The following CDC45 variants were observed in gnomAD, a reference collection of about 807,000 sequenced individuals.
CDC45 encodes cell division control protein 45 homolog.
Under a neutral mutation model 77.8 loss-of-function variants are expected in CDC45, and 54 were observed. The ratio of observed to expected loss-of-function variants is 0.69; its 90% confidence interval spans 0.56 to 0.87. The LOEUF is 0.87. Ranked by LOEUF, CDC45 falls within the 40% of genes least tolerant of loss-of-function variation. The probability of loss-of-function intolerance (pLI) is 0.00; values close to 1 mark genes in which losing one functional copy is unlikely to be tolerated. For synonymous variants in CDC45, 260 were observed against 272.1 expected (o/e 0.96, Z 0.44); for missense variants, 649 against 721.6 (o/e 0.90, Z 1.15).
At chr22:19,502,253 T>C (rs1349417341) in intron 9 of CDC45, among the ~76,000 whole-genome samples, 2 of 152,216 alleles carry the variant, frequency 1.3e-5, no homozygotes, top group Non-Finnish European at 1.5e-5. Context: ...GAGACAAATA[T>C]AAAATCGTTC....
At chr22:19,481,317 G>C (rs1271323539) in intron 3 of CDC45, among the ~76,000 whole-genome samples, 1 of 152,044 alleles carries the variant, frequency 6.6e-6, no homozygotes, top group Non-Finnish European at 1.5e-5. Flanking sequence ...AAGGTGCTTG[G>C]AATCTAGCAG....
At chr22:19,509,045 C>A (rs1338721328) in intron 13 of CDC45, among the ~76,000 whole-genome samples, 1 of 151,894 alleles carries the variant, frequency 6.6e-6, no homozygotes, top group Non-Finnish European at 1.5e-5. Flanking sequence ...TTTTCCAATT[C>A]TTTCTTATCT....
rs1223567538 is a variant in CDC45, at chr22:19,518,759, G to C, written c.1637-85G>C. The C allele has an allele frequency of 5.7e-6, 6 of 1,057,648 alleles. No homozygotes were observed. The East Asian group carries it at 9.4e-5, about 17-fold the overall frequency. The allele number at this position is 1,057,648 out of a possible 1,614,324, so 65.5% of individuals were successfully genotyped here. A position where few individuals can be genotyped will look rare whatever the true frequency, so the allele number is the denominator to read the frequency against. On this transcript the variant is annotated intron_variant, in intron 17 of 18. Transcript: ENST00000263201. ...GCCGCGCACTTTGGAATGCAGTGGA[G>C]GGCAGGCAGCGGAGGGGAGTTCTGT...
chr22:19,482,947 C>A, intron 4 of CDC45, 120 bp downstream of exon 4: 26 of 764,356 alleles, frequency 3.4e-5, no homozygotes, highest in Non-Finnish European at 4.5e-5. Flanking sequence ...ACAGCCTGAA[C>A]ACAAGAACTT....
rs964787698 is a variant in CDC45, at chr22:19,506,686, G to C, written c.825-700G>C. On this transcript the variant is annotated intron_variant, in intron 10 of 18. Coordinates refer to ENST00000263201, the MANE Select transcript of CDC45 (RefSeq NM_003504.5). ...GCTGTGGCTCACGCCTGTAATCCCA[G>C]CACTCTGGGAGGCCAAGGCAAGTGG... Among the ~76,000 whole-genome samples, 4 of 152,218 alleles carry C rather than the reference G, an allele frequency of 2.6e-5. No homozygotes were observed. The East Asian group carries it at 7.7e-4, about 29-fold the overall frequency.
Position 19,504,769 on chromosome 22 carries a change from A to G in CDC45, c.705-593A>G, listed in dbSNP as rs13447247. Among the ~76,000 whole-genome samples the G allele has an allele frequency of 5.1e-3, 775 of 152,280 alleles. 4 individuals are homozygous for G. Among genetic ancestry groups the G allele is most frequent in the African/African-American group, 0.016 (680 of 41,554 alleles). Reference sequence around the variant, plus strand: ...TCAGTCAGTAGCTCCATCAGTATACAGGACCCAAAGGAATATCTCAAAGGG... The same window carrying G: ...TCAGTCAGTAGCTCCATCAGTATACGGGACCCAAAGGAATATCTCAAAGGG... On this transcript the variant is annotated intron_variant, in intron 9 of 18. Transcript: ENST00000263201.
intron 16 of CDC45, 40 bp downstream of exon 16, chr22:19,516,685 G>A (rs1429731884): frequency 1.3e-6 from 2 of 1,571,608 alleles, no homozygotes; most frequent in East Asian, 2.2e-5. Context: ...GAGGGTCGGG[G>A]GTGTTGGGGT....
upstream of CDC45, chr22:19,479,889 C>A: frequency 7.1e-7 from 1 of 1,406,436 alleles, no homozygotes; most frequent in Non-Finnish European, 1.0e-6. Context: ...ATCGGAGGAG[C>A]CGTGATTTGG....
At chr22:19,495,002 GA>G (rs1184553946) in intron 6 of CDC45, among the ~76,000 whole-genome samples, 1 of 152,228 alleles carries the variant, frequency 6.6e-6, no homozygotes, top group Non-Finnish European at 1.5e-5. Context: ...AGTGAACTAT[GA>G]TTGTGCCATT....
Position 19,499,134 on chromosome 22 carries a change from G to A in CDC45, c.687G>A (p.Val229=), listed in dbSNP as rs2146383247. The change falls in exon 9 of 19, where the codon GTG becomes GTA. Residue 229 remains valine, a synonymous_variant. Coordinates refer to ENST00000263201, the MANE Select transcript of CDC45 (RefSeq NM_003504.5). The part of the protein sequence containing the change: ...WAIVGLTDQW[V]QDKITQMKYV... The stretch of plus-strand genomic sequence containing the variant: ...TCGTTGGACTAACAGACCAGTGGGT[G>A]CAAGACAAGATCACTCAGTAAGGAC... 6.2e-7 allele frequency: 1 copy of A among 1,614,166 alleles called. No homozygotes were observed. Among genetic ancestry groups the A allele is most frequent in the East Asian group, 2.2e-5 (1 of 44,882 alleles).
intron 6 of CDC45, 77 bp downstream of exon 6, chr22:19,494,459 G>C: frequency 1.3e-6 from 2 of 1,591,290 alleles, no homozygotes. Context: ...CCATACCTCT[G>C]ACTTCCTGTC....
At chr22:19,497,361 C>CATGGTGATG in intron 7 of CDC45, 25 bp from the exon 8 acceptor site, 1 of 1,612,952 alleles carries the variant, frequency 6.2e-7, no homozygotes, top group Non-Finnish European at 8.5e-7. Context: ...TCCCATGAGC[C>CATGGTGATG]TTAGACTTCT....
At position 19,499,108 on chromosome 22, in the gene CDC45, A is replaced by G. The variant is rs760773132; in HGVS notation, c.661A>G (p.Ile221Val). ...TGCCTTCTCTTCTTCCAGGTGGGCC[A>G]TCGTTGGACTAACAGACCAGTGGGT... ...KDLNDMLWWA[I>V]VGLTDQWVQD... Residue 221 changes from isoleucine (I) to valine (V), a missense_variant, in exon 9 of 19, where the codon ATC (isoleucine) becomes GTC (valine). Ile to Val is a conservative substitution (Grantham distance 29, BLOSUM62 3). Coordinates refer to ENST00000263201, the MANE Select transcript of CDC45 (RefSeq NM_003504.5). The G allele has an allele frequency of 1.9e-6, 3 of 1,614,030 alleles. No homozygotes were observed. In the African/African-American group the frequency reaches 4.0e-5, roughly 22 times the overall value.
chr22:19,489,408 G>T (rs1363514058), intron 5 of CDC45, among the ~76,000 whole-genome samples: 1 of 151,056 alleles, frequency 6.6e-6, no homozygotes, highest in East Asian at 1.9e-4. Context: ...ACACCCACTT[G>T]TCTGCTGCCT....
At chr22:19,488,414 A>T (rs994192098) in intron 5 of CDC45, among the ~76,000 whole-genome samples, 1 of 152,232 alleles carries the variant, frequency 6.6e-6, no homozygotes, top group Admixed American at 6.5e-5. Flanking sequence ...GAGGGCTCCA[A>T]ACCAGGACTA....
chr22:19,503,989 T>C (rs904041843), intron 9 of CDC45, among the ~76,000 whole-genome samples: 2 of 152,254 alleles, frequency 1.3e-5, no homozygotes, highest in Non-Finnish European at 2.9e-5. Context: ...GCAGCCCATA[T>C]AGTTCAATGG....
chr22:19,481,862 G>A (rs1422755315), intron 3 of CDC45, among the ~76,000 whole-genome samples: 1 of 152,062 alleles, frequency 6.6e-6, no homozygotes, highest in Admixed American at 6.6e-5. Context: ...AGTAGAGACG[G>A]GGTTTCGCCA....
chr22:19,496,492 A>G (rs1255144309), intron 7 of CDC45, among the ~76,000 whole-genome samples: 2 of 152,228 alleles, frequency 1.3e-5, no homozygotes, highest in Non-Finnish European at 1.5e-5. Context: ...TTTCAATAAA[A>G]CATCCTGTAT....
At chr22:19,513,060 T>C (rs933367530) in intron 13 of CDC45, among the ~76,000 whole-genome samples, 3 of 152,180 alleles carry the variant, frequency 2.0e-5, no homozygotes, top group African/African-American at 7.2e-5. Context: ...TTACACCCCC[T>C]AGCCCCAGGG....
Sources: gnomAD v4.1 joint callset for allele counts (sites outside exome capture counted in the v4.1 genomes callset) on GRCh38, gnomAD v4.1.1 for gene constraint, MANE v1.5 for transcripts, NCBI Gene and HGNC (gene_info 2026-07-23, HGNC 2026-07-21) for gene names.